The following RALGPS1 variants were observed in gnomAD, a reference collection of about 807,000 sequenced individuals.
RALGPS1 encodes the protein Ral GEF with PH domain and SH3 binding motif 1, also known as ras-specific guanine nucleotide-releasing factor RalGPS1.
In RALGPS1, 19 loss-of-function variants were observed where a neutral mutation model predicts 78.8. The observed-to-expected ratio is 0.24, with a 90% CI of 0.17 to 0.35. The LOEUF is 0.35. Ranked by LOEUF, RALGPS1 falls within the 10% of genes least tolerant of loss-of-function variation. RALGPS1 has a pLI of 1.00. For synonymous variants in RALGPS1, 228 were observed against 256.3 expected (o/e 0.89, Z 1.06); for missense variants, 454 against 688.3 (o/e 0.66, Z 3.81).
At chr9:127,142,923 G>A (rs923233939) in intron 8 of RALGPS1, among the ~76,000 whole-genome samples, 1 of 152,198 alleles carries the variant, frequency 6.6e-6, no homozygotes, top group South Asian at 2.1e-4. Flanking sequence ...TAATCAGGTA[G>A]TATGTGGAAA....
chr9:127,019,518 AG>A (rs2045241559), intron 4 of RALGPS1, among the ~76,000 whole-genome samples: 1 of 151,968 alleles, frequency 6.6e-6, no homozygotes, highest in Non-Finnish European at 1.5e-5. Context: ...TAGTAGAGAC[AG>A]GGTTTCACCA....
chr9:127,175,604 C>T (rs1052891786), intron 11 of RALGPS1, among the ~76,000 whole-genome samples: 13 of 150,796 alleles, frequency 8.6e-5, no homozygotes, highest in South Asian at 2.1e-4. Context: ...CCCTGGTTTG[C>T]GCTCTAGGTC....
chr9:126,952,650 A>C (rs76926562), intron 1 of RALGPS1, among the ~76,000 whole-genome samples: 1 of 71,030 alleles, frequency 1.4e-5, no homozygotes, highest in Non-Finnish European at 4.4e-5. Context: ...AGAGAGAGAG[A>C]GAGAGAGTGT....
chr9:127,128,926 G>A (rs1030728858), intron 8 of RALGPS1, among the ~76,000 whole-genome samples: 1 of 152,144 alleles, frequency 6.6e-6, no homozygotes, highest in African/African-American at 2.4e-5. Flanking sequence ...ATGCATGCTT[G>A]GGTACAAAGC....
chr9:127,187,329 C>G (rs2060716438), intron 11 of RALGPS1, among the ~76,000 whole-genome samples: 1 of 152,230 alleles, frequency 6.6e-6, no homozygotes, highest in Non-Finnish European at 1.5e-5. Flanking sequence ...GTTCCTCCTT[C>G]CTCATGTTCT....
At chr9:127,097,697 C>G (rs1416014339) in intron 8 of RALGPS1, among the ~76,000 whole-genome samples, 1 of 152,204 alleles carries the variant, frequency 6.6e-6, no homozygotes, top group South Asian at 2.1e-4. Context: ...ATAAATAATA[C>G]TGTGAAAAAT....
intron 4 of RALGPS1, among the ~76,000 whole-genome samples, chr9:127,005,473 C>T (rs1002942491): frequency 1.3e-5 from 2 of 152,154 alleles, no homozygotes; most frequent in East Asian, 1.9e-4. Flanking sequence ...TCTGTGTCAG[C>T]GTGCATTGAT....
chr9:127,061,929 C>T (rs2049248811), intron 7 of RALGPS1, among the ~76,000 whole-genome samples: 1 of 152,018 alleles, frequency 6.6e-6, no homozygotes. Context: ...ACTCTTGGGT[C>T]TTTGTGGGAA....
intron 3 of RALGPS1, among the ~76,000 whole-genome samples, chr9:126,977,333 A>G (rs2040760464): frequency 1.3e-5 from 2 of 152,256 alleles, no homozygotes; most frequent in African/African-American, 2.4e-5. Context: ...TTGTTTCTAC[A>G]ACTTTAAAAA....
At chr9:127,107,405 AG>A (rs1474348668) in intron 8 of RALGPS1, among the ~76,000 whole-genome samples, 2 of 152,234 alleles carry the variant, frequency 1.3e-5, no homozygotes, top group Non-Finnish European at 2.9e-5. Flanking sequence ...AGCAGACTCT[AG>A]GAAGTGTGTG....
At chr9:127,008,574 C>T (rs2044069221) in intron 4 of RALGPS1, among the ~76,000 whole-genome samples, 1 of 152,046 alleles carries the variant, frequency 6.6e-6, no homozygotes, top group African/African-American at 2.4e-5. Context: ...CTAGAATCCT[C>T]CAGAAAGGAA....
chr9:126,987,580 T>C (rs1252413777), intron 4 of RALGPS1, among the ~76,000 whole-genome samples: 1 of 152,156 alleles, frequency 6.6e-6, no homozygotes, highest in East Asian at 1.9e-4. Context: ...GACTGGCAGC[T>C]GGGGCATGGT....
intron 4 of RALGPS1, chr9:127,016,854 G>A (rs971352452): frequency 1.1e-4 from 16 of 152,012 alleles, no homozygotes; most frequent in African/African-American, 3.9e-4. Context: ...TTTGTCTTTG[G>A]TTCTCCTACC....
At chr9:126,965,678 C>G (rs971772016) in intron 2 of RALGPS1, among the ~76,000 whole-genome samples, 166 bp from the exon 3 acceptor site, 3 of 152,226 alleles carry the variant, frequency 2.0e-5, no homozygotes, top group Admixed American at 2.0e-4. Context: ...CATACACATG[C>G]AGTGCTTAAC....
intron 8 of RALGPS1, among the ~76,000 whole-genome samples, chr9:127,077,681 C>G (rs551951301): frequency 6.6e-6 from 1 of 152,342 alleles, no homozygotes; most frequent in South Asian, 2.1e-4. Context: ...ATTCCACATG[C>G]AGGAAATCCA....
chr9:127,047,609 GAATC>G (rs546149408), intron 5 of RALGPS1, among the ~76,000 whole-genome samples: 47 of 151,778 alleles, frequency 3.1e-4, no homozygotes, highest in African/African-American at 1.1e-3. Context: ...TGAGGCAGGA[GAATC>G]GCTTGATCCC....
intron 8 of RALGPS1, among the ~76,000 whole-genome samples, chr9:127,134,302 C>T (rs918920268): frequency 1.6e-4 from 24 of 152,190 alleles, no homozygotes; most frequent in African/African-American, 5.8e-4. Flanking sequence ...GAGGACATCA[C>T]CCATTCCACA....
At chr9:127,160,658 A>AC (rs1271454442) in intron 8 of RALGPS1, among the ~76,000 whole-genome samples, 2 of 151,914 alleles carry the variant, frequency 1.3e-5, no homozygotes, top group Non-Finnish European at 2.9e-5. Flanking sequence ...GGGTCCTCAC[A>AC]CCCCCAACTC....
At chr9:126,935,952 A>G (rs1486438822) in intron 1 of RALGPS1, among the ~76,000 whole-genome samples, 1 of 152,208 alleles carries the variant, frequency 6.6e-6, no homozygotes, top group African/African-American at 2.4e-5. Context: ...GGATCCTGCC[A>G]GTCCCGAGGA....
Sources: gnomAD v4.1 joint callset for allele counts (sites outside exome capture counted in the v4.1 genomes callset) on GRCh38, gnomAD v4.1.1 for gene constraint, MANE v1.5 for transcripts, NCBI Gene and HGNC (gene_info 2026-07-23, HGNC 2026-07-21) for gene names.